The following ZMYND12 variants were observed in gnomAD, a reference collection of about 807,000 sequenced individuals.
The protein encoded by ZMYND12 is zinc finger MYND-type containing 12, also known as zinc finger MYND domain-containing protein 12.
Under a neutral mutation model 41.7 loss-of-function variants are expected in ZMYND12, and 32 were observed. That is an observed-to-expected ratio of 0.77 (90% confidence interval 0.58 to 1.03). The LOEUF (loss-of-function observed/expected upper bound fraction) is 1.03, where lower values mean the gene tolerates loss of function less well. Among genes scored for constraint, ZMYND12 ranks in the 50% least tolerant of loss-of-function variants. The probability of loss-of-function intolerance (pLI) is 0.00; values close to 1 mark genes in which losing one functional copy is unlikely to be tolerated. For missense variants in ZMYND12, 424 were observed against 438.5 expected (o/e 0.97, Z 0.30); for synonymous variants, 148 against 164.8 (o/e 0.90, Z 0.78).
chr1:42,450,182 G>A (rs1643068938), intron 1 of ZMYND12, 123 bp from the exon 2 acceptor site: 3 of 1,082,758 alleles, frequency 2.8e-6, no homozygotes, highest in Non-Finnish European at 2.7e-6. Flanking sequence ...CAGGCAGGGA[G>A]CTCAAAGCCA....
At chr1:42,455,854 T>A (rs1286964518) in intron 1 of ZMYND12, 34 bp downstream of exon 1, 3 of 1,521,712 alleles carry the variant, frequency 2.0e-6, no homozygotes, top group Non-Finnish European at 2.7e-6. Context: ...AGGGAGGGAG[T>A]TATAGCGCCC....
At chr1:42,442,560 C>A (rs1372472914) in intron 3 of ZMYND12, among the ~76,000 whole-genome samples, 1 of 152,084 alleles carries the variant, frequency 6.6e-6, no homozygotes, top group Non-Finnish European at 1.5e-5. Context: ...AATAGAAAGC[C>A]ACTACGTCAG....
At chr1:42,440,252 G>GCATCTC (rs369299758) in intron 3 of ZMYND12, among the ~76,000 whole-genome samples, 48 of 151,322 alleles carry the variant, frequency 3.2e-4, no homozygotes, top group South Asian at 1.3e-3. Flanking sequence ...ACAAAAGGAG[G>GCATCTC]CATCTCCATC....
chr1:42,435,375 A>C lies in ZMYND12; in HGVS notation c.728T>G (p.Ile243Ser). 6.2e-7 allele frequency: 1 copy of C among 1,612,894 alleles called. No individual in the cohort carries two copies. Among genetic ancestry groups the C allele is most frequent in the East Asian group, 2.2e-5 (1 of 44,874 alleles). Reference protein sequence around the residue: ...ADTLYTKVSEIWHAYLNNHYQ... With the variant: ...ADTLYTKVSESWHAYLNNHYQ... ...GTGATTGTTCAAATATGCATGCCAG[A>C]TCTCAGAGACCTGTTGGGAAAAGAG... Residue 243 changes from isoleucine to serine, a missense_variant, in exon 6 of 8, where the codon ATC becomes AGC. Coordinates refer to ENST00000372565, the MANE Select transcript of ZMYND12 (RefSeq NM_032257.5).
chr1:42,433,077 T>C lies in ZMYND12; in HGVS notation c.975+66A>G, dbSNP rs1642870914. The C allele has an allele frequency of 1.9e-6, 3 of 1,594,038 alleles. No homozygotes were observed. In the Admixed American group the frequency reaches 5.4e-5, roughly 29 times the overall value. On this transcript the variant is annotated intron_variant, in intron 7 of 7. Coordinates refer to ENST00000372565, the MANE Select transcript of ZMYND12 (RefSeq NM_032257.5). ...CTATTGGAATTGGGCAAAACACAAA[T>C]TTTGAGTTCAACTAGTTGAATTTCT...
rs929438584 is a variant in ZMYND12 at position 42,430,493 on chromosome 1, A to G, written c.*243T>C. 2.2e-6 allele frequency: 1 copy of G among 444,834 alleles called. No homozygotes were observed. Among genetic ancestry groups the G allele is most frequent in the Non-Finnish European group, 4.1e-6 (1 of 245,800 alleles). The allele number at this position is 444,834 out of a possible 1,614,324, so 27.6% of individuals were successfully genotyped here. A position where few individuals can be genotyped will look rare whatever the true frequency, so the allele number is the denominator to read the frequency against. ...TGACTACATATTACTCAGTCATACAAAGTCATGATAAATCAAGTACAAAGG... is the reference window on the plus strand; with the variant it reads ...TGACTACATATTACTCAGTCATACAGAGTCATGATAAATCAAGTACAAAGG... On this transcript the variant is annotated 3_prime_UTR_variant, in exon 8 of 8. Transcript: ENST00000372565.
intron 7 of ZMYND12, among the ~76,000 whole-genome samples, chr1:42,431,572 G>A (rs1219368320): frequency 6.6e-6 from 1 of 152,186 alleles, no homozygotes; most frequent in Non-Finnish European, 1.5e-5. Context: ...GTGAAGGCCT[G>A]AAGGAAGTGA....
chr1:42,449,703 A>T (rs1643062645), intron 2 of ZMYND12, among the ~76,000 whole-genome samples: 1 of 152,196 alleles, frequency 6.6e-6, no homozygotes, highest in South Asian at 2.1e-4. Context: ...AGTTTGTGAT[A>T]TTTGATTGTG....
chr1:42,430,872 G>T lies in ZMYND12; in HGVS notation c.976-14C>A. 1 of 1,613,770 alleles carries T rather than the reference G, an allele frequency of 6.2e-7. No homozygotes were observed. The highest frequency in any genetic ancestry group is 2.2e-5 in the East Asian group (1 of 44,872). The stretch of plus-strand genomic sequence containing the variant: ...ATATTCCTGTGCCTGAAATAGAATT[G>T]CAGTGACAAAAGGAAGTTGTCACAG... On this transcript the variant is annotated splice_polypyrimidine_tract_variant and intron_variant, in intron 7 of 7. Coordinates refer to ENST00000372565, the MANE Select transcript of ZMYND12 (RefSeq NM_032257.5).
chr1:42,446,588 G>A (rs144416531), intron 3 of ZMYND12, among the ~76,000 whole-genome samples: 31 of 151,562 alleles, frequency 2.0e-4, no homozygotes, highest in African/African-American at 7.3e-4. Flanking sequence ...GGAGGTGGAG[G>A]CTGCAGTGAG....
chr1:42,440,141 C>T, intron 3 of ZMYND12, 116 bp from the exon 4 acceptor site: 1 of 1,061,940 alleles, frequency 9.4e-7, no homozygotes, highest in Non-Finnish European at 1.3e-6. Flanking sequence ...TTTATTGACA[C>T]AGAAAAACTC....
At chr1:42,437,107 C>T (rs1642915859) in intron 4 of ZMYND12, among the ~76,000 whole-genome samples, 1 of 152,076 alleles carries the variant, frequency 6.6e-6, no homozygotes, top group African/African-American at 2.4e-5. Flanking sequence ...TGCTAATCAG[C>T]AATAAGAGGA....
chr1:42,444,016 C>A (rs773241087), intron 3 of ZMYND12, among the ~76,000 whole-genome samples: 1 of 152,136 alleles, frequency 6.6e-6, no homozygotes, highest in Non-Finnish European at 1.5e-5. Flanking sequence ...TAAGTGCATG[C>A]CACCATGACC....
intron 7 of ZMYND12, 132 bp downstream of exon 7, chr1:42,433,011 C>T: frequency 2.6e-6 from 3 of 1,146,722 alleles, no homozygotes; most frequent in Non-Finnish European, 3.8e-6. Context: ...TCGTGAGCAT[C>T]TGAACCTCTT....
chr1:42,435,369 T>A lies in ZMYND12; in HGVS notation c.734A>T (p.His245Leu). Reference protein sequence around the residue: ...TLYTKVSEIWHAYLNNHYQVL... With the variant: ...TLYTKVSEIWLAYLNNHYQVL... ...TTGATAGTGATTGTTCAAATATGCA[T>A]GCCAGATCTCAGAGACCTGTTGGGA... Residue 245 changes from histidine to leucine, a missense_variant, in exon 6 of 8, where the codon CAT becomes CTT. Physicochemically the swap from His to Leu is moderately conservative, Grantham distance 99. Coordinates refer to ENST00000372565, the MANE Select transcript of ZMYND12 (RefSeq NM_032257.5). 1 of 1,613,618 alleles carries A rather than the reference T, an allele frequency of 6.2e-7. No individual in the cohort carries two copies. Among genetic ancestry groups the A allele is most frequent in the South Asian group, 1.1e-5 (1 of 91,058 alleles).
intron 3 of ZMYND12, among the ~76,000 whole-genome samples, chr1:42,445,746 G>A (rs1225097178): frequency 1.3e-5 from 2 of 152,138 alleles, no homozygotes; most frequent in South Asian, 4.1e-4. Context: ...AGAGCCTCAT[G>A]GGTTGCTTTA....
chr1:42,438,105 G>A (rs1262342858), intron 4 of ZMYND12, among the ~76,000 whole-genome samples: 1 of 152,184 alleles, frequency 6.6e-6, no homozygotes, highest in Non-Finnish European at 1.5e-5. Flanking sequence ...CACCACACCT[G>A]GCCTACTAAT....
intron 4 of ZMYND12, among the ~76,000 whole-genome samples, chr1:42,437,037 C>T (rs1642915138): frequency 6.6e-6 from 1 of 152,054 alleles, no homozygotes; most frequent in Non-Finnish European, 1.5e-5. Context: ...ATAGAAACAA[C>T]CAAAATGTCC....
intron 2 of ZMYND12, 118 bp from the exon 3 acceptor site, chr1:42,448,756 C>G (rs1459832263): frequency 9.8e-6 from 10 of 1,015,854 alleles, no homozygotes; most frequent in Non-Finnish European, 5.6e-6. Context: ...ACATAGTGAG[C>G]CTGCCTGTAT....
Sources: gnomAD v4.1 joint callset for allele counts (sites outside exome capture counted in the v4.1 genomes callset) on GRCh38, gnomAD v4.1.1 for gene constraint, MANE v1.5 for transcripts, NCBI Gene and HGNC (gene_info 2026-07-23, HGNC 2026-07-21) for gene names.